NRDC: variants seen among roughly 807,000 people sequenced by gnomAD.
NRDC encodes the protein nardilysin.
A neutral mutation model predicts 147.1 loss-of-function variants in NRDC; 54 were observed. The ratio of observed to expected loss-of-function variants is 0.37; its 90% CI spans 0.29 to 0.46. NRDC has a LOEUF of 0.46. Among genes scored for constraint, NRDC ranks in the 20% least tolerant of loss-of-function variants. The probability of loss-of-function intolerance (pLI) is 1.00; values close to 1 mark genes in which losing one functional copy is unlikely to be tolerated. For missense variants in NRDC, 1,082 were observed against 1,370.6 expected, an observed-to-expected ratio of 0.79 and a Z score of 3.33; for synonymous variants, 440 against 482.1, an observed-to-expected ratio of 0.91 and a Z score of 1.14.
chr1:51,859,522 CCTGG>C (rs1340539880), intron 1 of NRDC, among the ~76,000 whole-genome samples: 1 of 152,200 alleles, frequency 6.6e-6, no homozygotes, highest in Admixed American at 6.5e-5. Context: ...AGCTTTGCCT[CCTGG>C]CTATTTTGGG....
In NRDC at chr1:51,818,053, C is replaced by T. The variant is rs1220898987; in HGVS notation, c.1361+13G>A. The T allele has an allele frequency of 1.3e-6, 2 of 1,599,674 alleles. No homozygotes were observed. Among genetic ancestry groups the T allele is most frequent in the South Asian group, 2.2e-5 (2 of 89,068 alleles). The stretch of plus-strand genomic sequence containing the variant: ...TTGGTTCTAATGAAGTAAATTTTCC[C>T]TTAAACTCTTACCTGTAATGTTGCT... On this transcript the variant is annotated intron_variant, in intron 10 of 30. Coordinates refer to ENST00000352171, the MANE Select transcript of NRDC (RefSeq NM_001101662.2).
At chr1:51,792,815 AAATG>A (rs34137820) in intron 24 of NRDC, among the ~76,000 whole-genome samples, 13,736 of 152,282 alleles carry the variant, frequency 0.09, 708 homozygotes, top group Middle Eastern at 0.23. Flanking sequence ...AGAGGAGAGA[AAATG>A]AATAGTGCCA....
chr1:51,800,990 A>T, intron 20 of NRDC: 1 of 214,066 alleles, frequency 4.7e-6, no homozygotes, highest in East Asian at 1.1e-4. Flanking sequence ...GACTACAGAC[A>T]GGGGCCACCA....
chr1:51,801,851 G>A (rs563794085), intron 20 of NRDC, among the ~76,000 whole-genome samples: 1 of 152,020 alleles, frequency 6.6e-6, no homozygotes, highest in African/African-American at 2.4e-5. Flanking sequence ...GCAGTGGCGC[G>A]ATCTCGGCTC....
chr1:51,847,440 T>C (rs1410027387), intron 1 of NRDC, among the ~76,000 whole-genome samples: 2 of 152,150 alleles, frequency 1.3e-5, no homozygotes, highest in African/African-American at 4.8e-5. Flanking sequence ...GCGGCGCTCG[T>C]TGGGGAGGCT....
intron 9 of NRDC, among the ~76,000 whole-genome samples, chr1:51,818,457 C>T (rs556094046): frequency 6.6e-6 from 1 of 152,280 alleles, no homozygotes; most frequent in South Asian, 2.1e-4. Flanking sequence ...TCAGTCCTAC[C>T]ACTATCTTGC....
chr1:51,798,461 A>AATCTTCAGAATAAAGAAATGT, intron 21 of NRDC, 50 bp from the exon 22 acceptor site: 1 of 1,443,226 alleles, frequency 6.9e-7, no homozygotes, highest in Admixed American at 1.9e-5. Context: ...ATTAGAAATG[A>AATCTTCAGAATAAAGAAATGT]ATCTTCAGAA....
At chr1:51,843,062 T>TC in intron 1 of NRDC, among the ~76,000 whole-genome samples, 1 of 8,584 alleles carries the variant, frequency 1.2e-4, no homozygotes, top group East Asian at 5.7e-3. Flanking sequence ...AAAACCTGTC[T>TC]CAAAAAAAAA....
At chr1:51,834,413 C>G (rs1422496283) in intron 3 of NRDC, among the ~76,000 whole-genome samples, 1 of 151,980 alleles carries the variant, frequency 6.6e-6, no homozygotes, top group Non-Finnish European at 1.5e-5. Flanking sequence ...ATTCTTGAAC[C>G]TCCTGGGTTC....
intron 14 of NRDC, among the ~76,000 whole-genome samples, chr1:51,813,187 A>G (rs1040176880): frequency 2.0e-5 from 3 of 152,170 alleles, no homozygotes; most frequent in Non-Finnish European, 4.4e-5. Context: ...TAATAAAAAT[A>G]TTATTTTAAT....
In NRDC at chr1:51,855,934, CAAAT is replaced by C. The variant is rs533646431; in HGVS notation, c.342-15424_342-15421del. Among the ~76,000 whole-genome samples the C allele has an allele frequency of 1.0e-3, 158 of 152,096 alleles. 2 individuals are homozygous for C. Among genetic ancestry groups the C allele is most frequent in the Admixed American group, 2.8e-3 (43 of 15,278 alleles). ...CACACATTACAAGAACACAAGATGT[CAAAT>C]AAAATGATGCGCAATCTCACTAGAA... On this transcript the variant is annotated intron_variant, in intron 1 of 30. Coordinates refer to ENST00000352171, the MANE Select transcript of NRDC (RefSeq NM_001101662.2).
intron 1 of NRDC, chr1:51,877,913 C>T (rs936082132): frequency 1.5e-6 from 1 of 653,526 alleles, no homozygotes. Context: ...CCTTAAATAT[C>T]CTGTCCTCCA....
At chr1:51,844,160 G>A (rs900787039) in intron 1 of NRDC, among the ~76,000 whole-genome samples, 1 of 151,628 alleles carries the variant, frequency 6.6e-6, no homozygotes, top group African/African-American at 2.4e-5. Flanking sequence ...ATCCCCCGAC[G>A]CCCCAACACA....
At position 51,790,425 on chromosome 1, in the gene NRDC, T is replaced by C; in HGVS notation, c.3168+108A>G. ...GAGCGAGTAATCAGGCCAGGACTAGTGTTTCGAGTTTCTCTTCCACACAAT... is the reference window on the plus strand; with the variant it reads ...GAGCGAGTAATCAGGCCAGGACTAGCGTTTCGAGTTTCTCTTCCACACAAT... On this transcript the variant is annotated intron_variant, in intron 29 of 30. Coordinates refer to ENST00000352171, the MANE Select transcript of NRDC (RefSeq NM_001101662.2). The C allele has an allele frequency of 5.3e-6, 4 of 756,806 alleles. No homozygotes were observed. In the South Asian group the frequency reaches 6.4e-5, roughly 12 times the overall value. 46.9% of individuals were successfully genotyped at this position (756,806 alleles called of 1,614,324 possible).
In NRDC at chr1:51,814,130, T is replaced by C. The variant is rs368614880; in HGVS notation, c.1620-41A>G. 39 of 1,332,944 alleles carry C rather than the reference T, an allele frequency of 2.9e-5. No individual in the cohort carries two copies. In the African/African-American group the frequency reaches 5.5e-4, roughly 19 times the overall value. 82.6% of individuals were successfully genotyped at this position (1,332,944 alleles called of 1,614,324 possible). On this transcript the variant is annotated intron_variant, in intron 13 of 30. Transcript: ENST00000352171. ...CTATAATTAGAAGATACATTAAAAT[T>C]TCTGCCTACTTGAGGGAGAAGGGCG...
chr1:51,840,612 TA>T, intron 1 of NRDC, 98 bp from the exon 2 acceptor site: 1 of 831,300 alleles, frequency 1.2e-6, no homozygotes, highest in South Asian at 1.8e-5. Context: ...AGAATCCAAG[TA>T]AAAGTACAAA....
rs956354503 is a variant in NRDC, at chr1:51,791,488, CAG to C, written c.2960+88_2960+89del. The stretch of plus-strand genomic sequence containing the variant: ...ACTAAATAGAGCAAACCTGCTTGGT[CAG>C]GGTTGCCCAAGGTTTAAGGAAACAC... On this transcript the variant is annotated intron_variant, in intron 27 of 30. Transcript: ENST00000352171. 31 of 1,048,718 alleles carry C rather than the reference CAG, an allele frequency of 3.0e-5. No homozygotes were observed. The Admixed American group carries it at 3.1e-4, about 11-fold the overall frequency. 65.0% of individuals were successfully genotyped at this position (1,048,718 alleles called of 1,614,324 possible).
intron 1 of NRDC, among the ~76,000 whole-genome samples, chr1:51,855,156 T>G (rs1682170922): frequency 6.6e-6 from 1 of 152,234 alleles, no homozygotes; most frequent in Non-Finnish European, 1.5e-5. Context: ...TAACCCTCCA[T>G]GTATGGTTTA....
At chr1:51,817,312 C>A (rs1386249151) in intron 10 of NRDC, among the ~76,000 whole-genome samples, 1 of 151,308 alleles carries the variant, frequency 6.6e-6, no homozygotes, top group Non-Finnish European at 1.5e-5. Context: ...CCCACCCCCC[C>A]TCCCAAAAAA....
Sources: gnomAD v4.1 joint callset for allele counts (sites outside exome capture counted in the v4.1 genomes callset) on GRCh38, gnomAD v4.1.1 for gene constraint, MANE v1.5 for transcripts, NCBI Gene and HGNC (gene_info 2026-07-23, HGNC 2026-07-21) for gene names.